NXPE2: variants seen among roughly 807,000 people sequenced by gnomAD.
NXPE2 encodes the protein neurexophilin and PC-esterase domain family member 2, also known as NXPE family member 2.
NXPE2 carries 34 observed loss-of-function variants against 34.4 expected under a neutral mutation model. The observed-to-expected ratio is 0.99, with a 90% CI of 0.75 to 1.31. NXPE2 has a LOEUF of 1.31. Ranked by LOEUF, NXPE2 falls within the 40% of genes most tolerant of loss-of-function variation. The pLI, the probability that NXPE2 is intolerant of heterozygous loss-of-function variation, is 0.00. For missense variants in NXPE2, 649 were observed against 672.5 expected (o/e 0.97, Z 0.39); for synonymous variants, 235 against 231.3 (o/e 1.02, Z -0.15).
the NXPE2 span, among the ~76,000 whole-genome samples, chr11:114,648,413 C>A: frequency 1.3e-5 from 2 of 152,278 alleles, no homozygotes; most frequent in Admixed American, 1.3e-4. Context: ...CTCTCTTACT[C>A]AGCGGAGGGT....
chr11:114,743,036 T>C, the NXPE2 span, among the ~76,000 whole-genome samples: 34 of 128,634 alleles, frequency 2.6e-4, 1 homozygote, highest in African/African-American at 1.0e-3. Context: ...GGCATGCAAA[T>C]GGATTAACTG....
the NXPE2 span, among the ~76,000 whole-genome samples, chr11:114,496,425 C>T: frequency 1.3e-5 from 2 of 152,138 alleles, no homozygotes; most frequent in African/African-American, 4.8e-5. Flanking sequence ...TTCCTACCCT[C>T]TTCAGTTTCT....
the NXPE2 span, among the ~76,000 whole-genome samples, chr11:114,623,434 C>T: frequency 6.6e-6 from 1 of 152,076 alleles, no homozygotes; most frequent in Non-Finnish European, 1.5e-5. Flanking sequence ...ATAAGTATTC[C>T]CTCATGGGTA....
intron 1 of NXPE2, among the ~76,000 whole-genome samples, chr11:114,679,389 C>A (rs1447576038): frequency 6.6e-6 from 1 of 151,890 alleles, no homozygotes; most frequent in African/African-American, 2.4e-5. Flanking sequence ...GAGACCTCGA[C>A]AAGAAAACAG....
the NXPE2 span, among the ~76,000 whole-genome samples, chr11:114,598,539 A>G: frequency 1.3e-5 from 2 of 152,220 alleles, no homozygotes; most frequent in Non-Finnish European, 2.9e-5. Flanking sequence ...ATCCTCTGAA[A>G]TCTAAGTAGA....
the NXPE2 span, among the ~76,000 whole-genome samples, chr11:114,503,542 A>G: frequency 6.6e-6 from 1 of 152,144 alleles, no homozygotes; most frequent in Admixed American, 6.5e-5. Context: ...AAAGTTGATG[A>G]CTAAAAAAAA....
chr11:114,563,165 C>G, the NXPE2 span, among the ~76,000 whole-genome samples: 1 of 152,116 alleles, frequency 6.6e-6, no homozygotes, highest in South Asian at 2.1e-4. Context: ...AAGAGGGGCC[C>G]TCTTTCTGGA....
the NXPE2 span, among the ~76,000 whole-genome samples, chr11:114,602,212 AAT>A: frequency 6.8e-4 from 73 of 107,718 alleles, no homozygotes; most frequent in African/African-American, 2.7e-3. Context: ...TACTATATAC[AAT>A]ATATGTTATA....
the NXPE2 span, among the ~76,000 whole-genome samples, chr11:114,641,945 A>T: frequency 6.6e-6 from 1 of 152,238 alleles, no homozygotes; most frequent in Middle Eastern, 3.4e-3. Context: ...AAAGTTTGAC[A>T]CAGAGGACAT....
At chr11:114,496,982 G>A in the NXPE2 span, among the ~76,000 whole-genome samples, 1 of 152,144 alleles carries the variant, frequency 6.6e-6, no homozygotes, top group Non-Finnish European at 1.5e-5. Flanking sequence ...TATGTTACTG[G>A]TTTATGTATT....
the NXPE2 span, among the ~76,000 whole-genome samples, chr11:114,805,570 C>A: frequency 2.0e-5 from 3 of 152,242 alleles, no homozygotes; most frequent in African/African-American, 7.2e-5. Context: ...GGGTCCTACG[C>A]CCACGGCGTC....
At chr11:114,508,239 C>G in the NXPE2 span, among the ~76,000 whole-genome samples, 1 of 152,072 alleles carries the variant, frequency 6.6e-6, no homozygotes, top group Non-Finnish European at 1.5e-5. Context: ...TCAAAGAAAT[C>G]AGAGCTGACA....
At chr11:114,664,543 C>T in the NXPE2 span, among the ~76,000 whole-genome samples, 270 of 152,270 alleles carry the variant, frequency 1.8e-3, no homozygotes, top group Non-Finnish European at 3.1e-3. Context: ...CACATTTGCT[C>T]ACTGTCAGAC....
the NXPE2 span, among the ~76,000 whole-genome samples, chr11:114,629,200 C>T: frequency 6.6e-6 from 1 of 152,012 alleles, no homozygotes; most frequent in South Asian, 2.1e-4. Context: ...GATACCAAAG[C>T]CGGGCAGAGA....
the NXPE2 span, among the ~76,000 whole-genome samples, chr11:114,783,297 A>G: frequency 6.6e-6 from 1 of 152,202 alleles, no homozygotes; most frequent in Non-Finnish European, 1.5e-5. Flanking sequence ...AAGAGACACC[A>G]AGAACATTTT....
chr11:114,639,470 C>T, the NXPE2 span, among the ~76,000 whole-genome samples: 2 of 151,414 alleles, frequency 1.3e-5, no homozygotes, highest in Non-Finnish European at 2.9e-5. Flanking sequence ...CTGCGCTGCC[C>T]CCACTGTCCT....
the NXPE2 span, among the ~76,000 whole-genome samples, chr11:114,634,090 G>C: frequency 6.6e-6 from 1 of 151,684 alleles, no homozygotes; most frequent in East Asian, 1.9e-4. Context: ...CAGTGTAAAA[G>C]TGTTCCTATT....
the NXPE2 span, among the ~76,000 whole-genome samples, chr11:114,553,535 C>G: frequency 6.6e-6 from 1 of 152,168 alleles, no homozygotes; most frequent in African/African-American, 2.4e-5. Flanking sequence ...ATTTATTAAC[C>G]CCATCCTCTA....
chr11:114,588,502 T>A, the NXPE2 span, among the ~76,000 whole-genome samples: 3 of 151,704 alleles, frequency 2.0e-5, no homozygotes, highest in Non-Finnish European at 4.4e-5. Flanking sequence ...AGGGGAGAAA[T>A]TCAAAGATGA....
Sources: allele counts gnomAD v4.1 joint callset (sites outside exome capture counted in the v4.1 genomes callset), GRCh38; gene constraint gnomAD v4.1.1; transcripts MANE v1.5; gene names NCBI Gene and HGNC (gene_info 2026-07-23, HGNC 2026-07-21).